Variants in FBN1 observed in about 807,000 individuals in gnomAD.
FBN1 encodes fibrillin 1, also known as fibrillin-1.
In FBN1, 29 loss-of-function variants were observed where a neutral mutation model predicts 365.1. That is an observed-to-expected ratio of 0.08 (90% CI 0.06 to 0.11). FBN1 has a LOEUF of 0.11. Among genes scored for constraint, FBN1 ranks in the 10% least tolerant of loss-of-function variants. The pLI is 1.00. For missense variants in FBN1, 2,476 were observed against 3,703.2 expected, an observed-to-expected ratio of 0.67 and a Z score of 8.60; for synonymous variants, 1,210 against 1,270.5, an observed-to-expected ratio of 0.95 and a Z score of 1.01.
chr15:48,607,687 T>C (rs995021587), intron 4 of FBN1, among the ~76,000 whole-genome samples: 1 of 152,174 alleles, frequency 6.6e-6, no homozygotes, highest in Admixed American at 6.6e-5. Flanking sequence ...TACATTTTTA[T>C]TGTTTATAAA....
At chr15:48,594,515 T>C (rs560281417) in intron 6 of FBN1, among the ~76,000 whole-genome samples, 29 of 152,322 alleles carry the variant, frequency 1.9e-4, no homozygotes, top group African/African-American at 6.7e-4. Context: ...ACCCCCAAAC[T>C]TGGAGAAACC....
At chr15:48,425,709 G>A (rs759418388) in intron 59 of FBN1, 30 bp downstream of exon 59, 3 of 1,606,206 alleles carry the variant, frequency 1.9e-6, no homozygotes, top group Non-Finnish European at 2.6e-6. Context: ...ATTTCCACTT[G>A]AGGATAAGCC....
At chr15:48,536,079 A>T (rs2044010760) in intron 7 of FBN1, among the ~76,000 whole-genome samples, 1 of 152,164 alleles carries the variant, frequency 6.6e-6, no homozygotes. Flanking sequence ...ACCAGCAAGG[A>T]GCAAGAGCCA....
intron 17 of FBN1, 63 bp downstream of exon 17, chr15:48,503,724 T>G: frequency 6.2e-7 from 1 of 1,607,250 alleles, no homozygotes; most frequent in Non-Finnish European, 8.5e-7. Context: ...ATTCCACAAA[T>G]GCAAAGACCT....
chr15:48,414,697 C>G (rs1025261081), intron 64 of FBN1, among the ~76,000 whole-genome samples: 1 of 152,036 alleles, frequency 6.6e-6, no homozygotes, highest in Non-Finnish European at 1.5e-5. Flanking sequence ...GAGATCGAGA[C>G]CATCCTGGCT....
chr15:48,413,425 T>C (rs979824526), intron 64 of FBN1, among the ~76,000 whole-genome samples: 1 of 152,254 alleles, frequency 6.6e-6, no homozygotes, highest in African/African-American at 2.4e-5. Context: ...CTCCGACTCA[T>C]GTGAAGATGG....
chr15:48,552,020 C>A (rs1005943827), intron 6 of FBN1, among the ~76,000 whole-genome samples: 1 of 152,126 alleles, frequency 6.6e-6, no homozygotes, highest in Non-Finnish European at 1.5e-5. Flanking sequence ...GGTATATACC[C>A]GGTAGTGGTA....
chr15:48,410,009 T>C lies in FBN1; in HGVS notation c.*981A>G, dbSNP rs1405993891. The C allele has an allele frequency of 6.6e-6, 1 of 152,620 alleles. No individual in the cohort carries two copies. Among genetic ancestry groups the C allele is most frequent in the Non-Finnish European group, 1.5e-5 (1 of 68,040 alleles). The allele number at this position is 152,620 out of a possible 1,614,324, so 9.5% of individuals were successfully genotyped here. A position where few individuals can be genotyped will look rare whatever the true frequency, so the allele number is the denominator to read the frequency against. ...CCAGGATAATTTAAATCCAGGAGAC[T>C]TTATTTAGCCTCCGGAATGGCCCCT... On this transcript the variant is annotated 3_prime_UTR_variant, in exon 66 of 66. Coordinates refer to ENST00000316623, the MANE Select transcript of FBN1 (RefSeq NM_000138.5).
At position 48,410,977 on chromosome 15, in the gene FBN1, T is replaced by G. The variant is rs1408070561; in HGVS notation, c.*13A>C. ...TTGTTTTTCTTTTAATTATTTGGTC[T>G]CTGGATGGTGAATTAATGAAGCAAA... is the stretch of plus-strand genomic sequence containing the variant. On this transcript the variant is annotated 3_prime_UTR_variant, in exon 66 of 66. Transcript: ENST00000316623. 2 of 1,611,836 alleles carry G rather than the reference T, an allele frequency of 1.2e-6. No homozygotes were observed. The highest frequency in any genetic ancestry group is 1.7e-6 in the Non-Finnish European group (2 of 1,179,224).
rs2043527001 is a variant in FBN1 at position 48,488,301 on chromosome 15, A to G, written c.3209-60T>C. On this transcript the variant is annotated intron_variant, in intron 26 of 65. Coordinates refer to ENST00000316623, the MANE Select transcript of FBN1 (RefSeq NM_000138.5). ...TCAGGACAGCCTTAATTCTTGCGAC[A>G]ATATGTTAAAGATAAAGAGTTTTAA... 1.9e-6 allele frequency: 3 copies of G among 1,612,866 alleles called. No individual in the cohort carries two copies. The East Asian group carries it at 6.7e-5, about 36-fold the overall frequency.
chr15:48,615,774 G>GT (rs1377460883), intron 2 of FBN1, among the ~76,000 whole-genome samples: 1 of 152,002 alleles, frequency 6.6e-6, no homozygotes, highest in Non-Finnish European at 1.5e-5. Context: ...GAGAAAGAGG[G>GT]TACAGATACT....
Position 48,515,566 on chromosome 15 carries a change from A to G in FBN1, c.1328-39T>C, listed in dbSNP as rs573099031. ...AAGCCCCATTAAAATTATTTTAACT[A>G]TGGTATCTTTCATCAGTACTTAATC... On this transcript the variant is annotated intron_variant, in intron 11 of 65. Coordinates refer to ENST00000316623, the MANE Select transcript of FBN1 (RefSeq NM_000138.5). The G allele has an allele frequency of 5.6e-6, 9 of 1,610,866 alleles. No homozygotes were observed. In the African/African-American group the frequency reaches 8.0e-5, roughly 14 times the overall value.
Position 48,454,462 on chromosome 15 carries a change from ACAACAACAAC to A in FBN1, c.5423-1788_5423-1779del, listed in dbSNP as rs1295724375. On this transcript the variant is annotated intron_variant, in intron 44 of 65. Transcript: ENST00000316623. Reference sequence around the variant, plus strand: ...CTACAAAACAAAACAACAACAACAAACAACAACAACAAAAAACAGATACTAATATAGTTCA... The same window carrying A: ...CTACAAAACAAAACAACAACAACAAAAAAAAACAGATACTAATATAGTTCA... 7.9e-5 allele frequency among the ~76,000 whole-genome samples: 12 copies of A among 151,442 alleles called. No individual in the cohort carries two copies. In the East Asian group the frequency reaches 2.2e-3, roughly 28 times the overall value.
At chr15:48,607,005 C>T (rs574285011) in intron 4 of FBN1, among the ~76,000 whole-genome samples, 7 of 152,144 alleles carry the variant, frequency 4.6e-5, no homozygotes, top group Non-Finnish European at 7.4e-5. Context: ...TGGGATGGCC[C>T]TCTATAGACA....
intron 6 of FBN1, among the ~76,000 whole-genome samples, chr15:48,585,229 G>C (rs966470696): frequency 6.6e-6 from 1 of 152,128 alleles, no homozygotes; most frequent in Non-Finnish European, 1.5e-5. Flanking sequence ...ACAAGATAAG[G>C]GCTCTCTAAG....
chr15:48,420,696 G>T lies in FBN1; in HGVS notation c.7810C>A (p.Gln2604Lys). Residue 2604 changes from glutamine (Q) to lysine (K), a missense_variant, in exon 63 of 66, where the codon CAG becomes AAG. Coordinates refer to ENST00000316623, the MANE Select transcript of FBN1 (RefSeq NM_000138.5). ...QGYLQHYQWN[Q>K]CVDENECLSA... is the part of the protein sequence containing the mutation. ...AGGAAAAGTTACTTGCCAACACACTGGTTCCACTGGTAGTGCTGGAGGTAG... is the reference window on the plus strand; with the variant it reads ...AGGAAAAGTTACTTGCCAACACACTTGTTCCACTGGTAGTGCTGGAGGTAG... 6.2e-7 allele frequency: 1 copy of T among 1,614,080 alleles called. No individual in the cohort carries two copies. Among genetic ancestry groups the T allele is most frequent in the Non-Finnish European group, 8.5e-7 (1 of 1,179,994 alleles).
intron 32 of FBN1, among the ~76,000 whole-genome samples, chr15:48,475,510 A>G (rs147374855): frequency 2.8e-4 from 43 of 152,230 alleles, no homozygotes; most frequent in Non-Finnish European, 6.0e-4. Context: ...AAACGAGCCC[A>G]TTCTATAATG....
At chr15:48,530,425 G>T (rs1025338981) in intron 8 of FBN1, among the ~76,000 whole-genome samples, 6 of 152,320 alleles carry the variant, frequency 3.9e-5, no homozygotes, top group African/African-American at 1.4e-4. Context: ...CCCCTCATTT[G>T]AAAGCTGAAG....
At chr15:48,618,685 C>A (rs1442042394) in intron 2 of FBN1, among the ~76,000 whole-genome samples, 2 of 152,194 alleles carry the variant, frequency 1.3e-5, no homozygotes, top group Non-Finnish European at 2.9e-5. Flanking sequence ...GGAACTGGGC[C>A]ACACAGCAGG....
Sources: allele counts gnomAD v4.1 joint callset (sites outside exome capture counted in the v4.1 genomes callset), GRCh38; gene constraint gnomAD v4.1.1; transcripts MANE v1.5; gene names NCBI Gene and HGNC (gene_info 2026-07-23, HGNC 2026-07-21).